PIEZO1: variants seen among roughly 807,000 people sequenced by gnomAD.
PIEZO1 encodes piezo type mechanosensitive ion channel component 1 (Er blood group), also known as piezo-type mechanosensitive ion channel component 1.
Under a neutral mutation model 297.2 loss-of-function variants are expected in PIEZO1, and 296 were observed. That is an observed-to-expected ratio of 1.00 (90% CI 0.91 to 1.10). The LOEUF is 1.10. PIEZO1 is among the 50% of genes least tolerant of loss of function. The pLI, the probability that PIEZO1 is intolerant of heterozygous loss-of-function variation, is 0.00. For missense variants in PIEZO1, 5,018 were observed against 3,455.5 expected (o/e 1.45, Z -11.34); for synonymous variants, 2,427 against 1,507.5 (o/e 1.61, Z -14.13).
intron 12 of PIEZO1, 32 bp from the exon 13 acceptor site, chr16:88,735,278 G>T: frequency 1.4e-6 from 2 of 1,456,556 alleles, no homozygotes; most frequent in South Asian, 1.2e-5. Flanking sequence ...ACAGTCAGCC[G>T]GGGGGCCCAG....
intron 1 of PIEZO1, among the ~76,000 whole-genome samples, chr16:88,779,637 C>T (rs1907835509): frequency 1.3e-5 from 2 of 152,194 alleles, no homozygotes; most frequent in African/African-American, 4.8e-5. Context: ...CGGGAATCTG[C>T]AGTGGGATGG....
At chr16:88,720,569 G>GCCGCCCCCCCCCCC in intron 40 of PIEZO1, 37 bp from the exon 41 acceptor site, 2 of 1,216,686 alleles carry the variant, frequency 1.6e-6, no homozygotes, top group Non-Finnish European at 2.3e-6. Flanking sequence ...CCCAGTACCC[G>GCCGCCCCCCCCCCC]CCTCCCCACC....
chr16:88,737,131 A>C, intron 10 of PIEZO1: 1 of 241,416 alleles, frequency 4.1e-6, no homozygotes, highest in Non-Finnish European at 8.1e-6. Flanking sequence ...AAGAGCCCCC[A>C]GGCCCTCCCA....
At chr16:88,775,559 T>C (rs1907617893) in intron 1 of PIEZO1, among the ~76,000 whole-genome samples, 2 of 151,902 alleles carry the variant, frequency 1.3e-5, no homozygotes, top group Non-Finnish European at 2.9e-5. Context: ...TGAAACTCCA[T>C]CTCCACTAAC....
At chr16:88,754,333 G>A (rs1020309117) in intron 1 of PIEZO1, among the ~76,000 whole-genome samples, 1 of 152,156 alleles carries the variant, frequency 6.6e-6, no homozygotes, top group Non-Finnish European at 1.5e-5. Flanking sequence ...GTGGTAACCA[G>A]GACCACACAC....
Position 88,738,564 on chromosome 16 carries a change from G to A in PIEZO1, c.634+4C>T, listed in dbSNP as rs751260402. ...CTGCCAGTGCCCCCTGCCTCGGTGCGTACCTGCCAGTGCAAGCAGTGTTAC... is the reference window on the plus strand; with the variant it reads ...CTGCCAGTGCCCCCTGCCTCGGTGCATACCTGCCAGTGCAAGCAGTGTTAC... On this transcript the variant is annotated splice_donor_region_variant and intron_variant, in intron 6 of 50. Transcript: ENST00000301015. The A allele has an allele frequency of 1.7e-5, 26 of 1,534,492 alleles. No individual in the cohort carries two copies. In the East Asian group the frequency reaches 2.7e-4, roughly 16 times the overall value.
intron 19 of PIEZO1, 26 bp from the exon 20 acceptor site, chr16:88,732,758 C>T: frequency 6.6e-7 from 1 of 1,523,710 alleles, no homozygotes; most frequent in South Asian, 1.2e-5. Context: ...GCATCAGTGC[C>T]CCCTCCCAGG....
intron 12 of PIEZO1, among the ~76,000 whole-genome samples, chr16:88,735,484 CAG>C (rs1308308835): frequency 2.0e-5 from 3 of 152,286 alleles, no homozygotes; most frequent in East Asian, 1.9e-4. Context: ...CGCTCACACG[CAG>C]AGTCACACAC....
At chr16:88,727,276 G>C (rs919717448) in intron 23 of PIEZO1, 84 bp from the exon 24 acceptor site, 3 of 1,402,940 alleles carry the variant, frequency 2.1e-6, no homozygotes, top group Non-Finnish European at 2.8e-6. Context: ...TCCCACCCCA[G>C]GCCTGTCGGC....
intron 1 of PIEZO1, among the ~76,000 whole-genome samples, chr16:88,774,758 C>A (rs1907582553): frequency 6.6e-6 from 1 of 152,172 alleles, no homozygotes; most frequent in African/African-American, 2.4e-5. Context: ...ACATGGGGTT[C>A]CCTGCAGGAT....
intron 1 of PIEZO1, among the ~76,000 whole-genome samples, chr16:88,756,018 G>C (rs1906638614): frequency 6.6e-6 from 1 of 152,254 alleles, no homozygotes; most frequent in Non-Finnish European, 1.5e-5. Context: ...GGGGCCTGGA[G>C]TCCAGGTGTG....
chr16:88,722,812 G>A (rs771425390), intron 34 of PIEZO1, 25 bp downstream of exon 34: 15 of 1,540,224 alleles, frequency 9.7e-6, no homozygotes, highest in South Asian at 3.6e-5. Flanking sequence ...GAGCAGGGAC[G>A]AGCGTGGTGC....
At position 88,734,630 on chromosome 16, in the gene PIEZO1, C is replaced by A. The variant is rs1274358091; in HGVS notation, c.1997+20G>T. 1.3e-6 allele frequency: 2 copies of A among 1,549,826 alleles called. No homozygotes were observed. The highest frequency in any genetic ancestry group is 1.4e-5 in the African/African-American group (1 of 73,038). On this transcript the variant is annotated intron_variant, in intron 15 of 50. Coordinates refer to ENST00000301015, the MANE Select transcript of PIEZO1 (RefSeq NM_001142864.4). ...ACGGGGTTTCGGCGCCCCTGCCCCACCGCCCCAGCCTGGACTCACTGCTCG... is the reference window on the plus strand; with the variant it reads ...ACGGGGTTTCGGCGCCCCTGCCCCAACGCCCCAGCCTGGACTCACTGCTCG...
intron 35 of PIEZO1, 31 bp from the exon 36 acceptor site, chr16:88,722,428 C>A (rs1597445925): frequency 1.4e-6 from 2 of 1,480,162 alleles, no homozygotes; most frequent in Non-Finnish European, 9.0e-7. Flanking sequence ...ACAGAGAATC[C>A]TGCTCTATGG....
rs894054947 is a variant in PIEZO1 at position 88,741,662 on chromosome 16, G to A, written c.327-46C>T. On this transcript the variant is annotated intron_variant, in intron 4 of 50. Transcript: ENST00000301015. ...CCGCGGTCAGACCAAGAGGACAGGT[G>A]TGGGTGTGAGTGTGGATGGGTCTCC... 4 of 1,515,624 alleles carry A rather than the reference G, an allele frequency of 2.6e-6. No homozygotes were observed. The African/African-American group carries it at 5.5e-5, about 21-fold the overall frequency. The allele number at this position is 1,515,624 out of a possible 1,614,324, so 93.9% of individuals were successfully genotyped here.
chr16:88,716,072 G>A lies in PIEZO1; in HGVS notation c.7177C>T (p.Gln2393Ter), dbSNP rs1276286216. ...LGVRIQLRRE[Q>*]GAGATGFLEW... is the part of the protein sequence containing the mutation. ...AGGAAGCCGGTGGCCCCCGCACCCT[G>A]CTCCCTCCGCAGCTGGATACGCACG... Residue 2393 changes from glutamine to a stop codon, truncating the protein, a stop_gained, in exon 50 of 51, where the codon CAG (glutamine) becomes TAG (stop). Coordinates refer to ENST00000301015, the MANE Select transcript of PIEZO1 (RefSeq NM_001142864.4). LOFTEE classifies it high-confidence loss of function. 2 of 1,549,940 alleles carry A rather than the reference G, an allele frequency of 1.3e-6. No homozygotes were observed. The highest frequency in any genetic ancestry group is 1.4e-5 in the African/African-American group (1 of 73,174).
Position 88,722,341 on chromosome 16 carries a change from A to C in PIEZO1, c.4832T>G (p.Leu1611Arg). 6.5e-7 allele frequency: 1 copy of C among 1,540,340 alleles called. No homozygotes were observed. The highest frequency in any genetic ancestry group is 8.8e-7 in the Non-Finnish European group (1 of 1,142,472). ...SSMTDDMGSP[L>R]STGYHTRSGS... ...ACTGCGCGTGTGGTAGCCGGTGCTC[A>C]GGGGGCTGCCCATGTCGTCTGTCAT... Residue 1611 changes from leucine to arginine, a missense_variant, in exon 36 of 51, where the codon CTG becomes CGG. Physicochemically the swap from Leu to Arg is moderately radical, Grantham distance 102. Coordinates refer to ENST00000301015, the MANE Select transcript of PIEZO1 (RefSeq NM_001142864.4).
At position 88,734,194 on chromosome 16, in the gene PIEZO1, G is replaced by A. The variant is rs911107334; in HGVS notation, c.2181-140C>T. On this transcript the variant is annotated intron_variant, in intron 16 of 50. Transcript: ENST00000301015. ...AGCTGTGTCGCAACTCATGCCCACT[G>A]TCCCTGTGACCTCCACGCTACTGCC... The A allele has an allele frequency of 1.3e-5, 16 of 1,230,848 alleles. No individual in the cohort carries two copies. The African/African-American group carries it at 1.8e-4, about 14-fold the overall frequency. 76.2% of individuals were successfully genotyped at this position (1,230,848 alleles called of 1,614,324 possible). A position where few individuals can be genotyped will look rare whatever the true frequency, so the allele number is the denominator to read the frequency against.
In PIEZO1 at chr16:88,723,872, T is replaced by C; in HGVS notation, c.4334A>G (p.Gln1445Arg). ...GCCGACGGGGCTCTCCCACCTCACC[T>C]GGAAGGCACTCTGTGCCGACGGCCT... ...DPRPSAQSAF[Q>R]LAYQAWVTNA... Residue 1445 changes from glutamine (Q) to arginine (R), a missense_variant and splice_region_variant, in exon 31 of 51, where the codon CAG (glutamine) becomes CGG (arginine). By Grantham distance (43) the Gln-to-Arg change is conservative (BLOSUM62 1). Coordinates refer to ENST00000301015, the MANE Select transcript of PIEZO1 (RefSeq NM_001142864.4). The C allele has an allele frequency of 6.6e-7, 1 of 1,513,264 alleles. No homozygotes were observed. Among genetic ancestry groups the C allele is most frequent in the Non-Finnish European group, 9.0e-7 (1 of 1,112,988 alleles). The allele number at this position is 1,513,264 out of a possible 1,614,324, so 93.7% of individuals were successfully genotyped here.
Sources: gnomAD v4.1 joint callset for allele counts (sites outside exome capture counted in the v4.1 genomes callset) on GRCh38, gnomAD v4.1.1 for gene constraint, MANE v1.5 for transcripts, NCBI Gene and HGNC (gene_info 2026-07-23, HGNC 2026-07-21) for gene names.